Variants in ESRRB observed in about 807,000 individuals in gnomAD.
ESRRB encodes the protein estrogen related receptor beta.
Under a neutral mutation model 46.0 loss-of-function variants are expected in ESRRB, and 16 were observed. The observed-to-expected ratio is 0.35, with a 90% CI of 0.24 to 0.53. The LOEUF is 0.53. Ranked by LOEUF, ESRRB falls within the 20% of genes least tolerant of loss-of-function variation. The pLI is 0.93. For missense variants in ESRRB, 488 were observed against 607.4 expected, an observed-to-expected ratio of 0.80 and a Z score of 2.07; for synonymous variants, 246 against 259.6, an observed-to-expected ratio of 0.95 and a Z score of 0.50.
chr14:76,339,829 C>T (rs8013844), intron 1 of ESRRB, among the ~76,000 whole-genome samples: 18,727 of 152,178 alleles, frequency 0.12, 1,498 homozygotes, highest in Admixed American at 0.21. Context: ...CCCGTCACAT[C>T]GCACAAAAGG....
chr14:76,430,541 A>G (rs1595109668), intron 1 of ESRRB, among the ~76,000 whole-genome samples: 1 of 152,160 alleles, frequency 6.6e-6, no homozygotes, highest in African/African-American at 2.4e-5. Flanking sequence ...ACTTTCTCAG[A>G]AGAATCACAG....
chr14:76,432,883 C>T (rs1450020813), intron 1 of ESRRB, among the ~76,000 whole-genome samples: 1 of 151,958 alleles, frequency 6.6e-6, no homozygotes, highest in Non-Finnish European at 1.5e-5. Context: ...CCATGTTGAC[C>T]AGGCTGGTCT....
Position 76,501,020 on chromosome 14 carries a change from G to A in ESRRB, c.*2562G>A. The stretch of plus-strand genomic sequence containing the variant: ...TTCTTAGCTGGAATCCTGGCCAGAT[G>A]AGGACCCTCTCCGGGGAAGGGAGAG... On this transcript the variant is annotated 3_prime_UTR_variant, in exon 7 of 7. Coordinates refer to ENST00000644823, the MANE Select transcript of ESRRB (RefSeq NM_001379180.1). The A allele has an allele frequency of 2.0e-6, 1 of 495,672 alleles. No homozygotes were observed. Among genetic ancestry groups the A allele is most frequent in the South Asian group, 2.5e-5 (1 of 40,752 alleles). The allele number at this position is 495,672 out of a possible 1,614,324, so 30.7% of individuals were successfully genotyped here. A position where few individuals can be genotyped will look rare whatever the true frequency, so the allele number is the denominator to read the frequency against.
chr14:76,359,484 A>C (rs1024250887), intron 1 of ESRRB, among the ~76,000 whole-genome samples: 3 of 152,226 alleles, frequency 2.0e-5, no homozygotes, highest in African/African-American at 7.2e-5. Flanking sequence ...CATTCGCAGA[A>C]GCACCCTATT....
chr14:76,317,721 G>T (rs1220683645), intron 1 of ESRRB, among the ~76,000 whole-genome samples: 1 of 152,230 alleles, frequency 6.6e-6, no homozygotes, highest in Non-Finnish European at 1.5e-5. Flanking sequence ...GTCCAGCCCA[G>T]TTCCAACCTC....
chr14:76,486,664 G>A (rs1282744952), intron 5 of ESRRB, among the ~76,000 whole-genome samples: 1 of 152,124 alleles, frequency 6.6e-6, no homozygotes, highest in South Asian at 2.1e-4. Flanking sequence ...AGTTGGTGCA[G>A]ATAAAACAAT....
At chr14:76,338,706 G>A (rs1347465414) in intron 1 of ESRRB, among the ~76,000 whole-genome samples, 1 of 152,194 alleles carries the variant, frequency 6.6e-6, no homozygotes, top group Non-Finnish European at 1.5e-5. Context: ...ACCACTTTGG[G>A]AGGCCAAGCT....
chr14:76,360,577 A>C (rs984182274), intron 1 of ESRRB, among the ~76,000 whole-genome samples: 3 of 152,150 alleles, frequency 2.0e-5, no homozygotes, highest in African/African-American at 7.2e-5. Context: ...GACCCTGAGA[A>C]TACCCTGGAC....
intron 5 of ESRRB, 84 bp from the exon 6 acceptor site, chr14:76,491,363 A>C: frequency 1.4e-6 from 2 of 1,439,326 alleles, no homozygotes; most frequent in Non-Finnish European, 1.9e-6. Context: ...ACGCCCTGCA[A>C]CCTCTGCCCC....
At chr14:76,449,263 A>G (rs1238793778) in intron 2 of ESRRB, among the ~76,000 whole-genome samples, 2 of 152,092 alleles carry the variant, frequency 1.3e-5, no homozygotes, top group African/African-American at 4.8e-5. Flanking sequence ...AAATTTCTTT[A>G]CTCCCAGGCC....
intron 3 of ESRRB, among the ~76,000 whole-genome samples, chr14:76,468,963 C>A (rs1889242996): frequency 6.6e-6 from 1 of 152,150 alleles, no homozygotes; most frequent in South Asian, 2.1e-4. Context: ...CACAAACCTA[C>A]CAGTTTGTGC....
Position 76,491,483 on chromosome 14 carries a change from T to G in ESRRB, c.887T>G (p.Leu296Arg), listed in dbSNP as rs775840099. The G allele has an allele frequency of 6.2e-7, 1 of 1,606,426 alleles. No individual in the cohort carries two copies. The highest frequency in any genetic ancestry group is 1.1e-5 in the South Asian group (1 of 89,444). The change falls in exon 6 of 7, where the codon CTG (leucine) becomes CGG (arginine). Residue 296 changes from leucine (L) to arginine (R), a missense_variant. Leu to Arg is a moderately radical substitution (Grantham distance 102). Transcript: ENST00000644823. ...SSLSLGDQMS[L>R]LQSAWMEILI... Reference sequence around the variant, plus strand: ...CTCTCCCTGGGGGACCAGATGAGCCTGCTGCAGAGTGCCTGGATGGAAATC... The same window carrying G: ...CTCTCCCTGGGGGACCAGATGAGCCGGCTGCAGAGTGCCTGGATGGAAATC...
intron 6 of ESRRB, among the ~76,000 whole-genome samples, chr14:76,494,638 A>T (rs992430594): frequency 2.0e-5 from 3 of 152,180 alleles, no homozygotes; most frequent in African/African-American, 7.2e-5. Flanking sequence ...AGGTTTTGAC[A>T]AATGCATAAT....
chr14:76,486,502 G>A (rs1174881368), intron 5 of ESRRB, among the ~76,000 whole-genome samples: 5 of 151,976 alleles, frequency 3.3e-5, no homozygotes, highest in African/African-American at 1.2e-4. Flanking sequence ...CCTCCAGGTC[G>A]ACAGAAACGA....
intron 1 of ESRRB, among the ~76,000 whole-genome samples, chr14:76,311,536 C>G (rs1883734229): frequency 6.6e-6 from 1 of 152,172 alleles, no homozygotes; most frequent in Non-Finnish European, 1.5e-5. Context: ...TGAGAAGTCA[C>G]GATGAGAGCT....
Position 76,318,014 on chromosome 14 carries a change from TA to T in ESRRB, c.2+7100del, listed in dbSNP as rs1259548161. On this transcript the variant is annotated intron_variant, in intron 1 of 6. Transcript: ENST00000512784. ...TTCTGTCCTCACCTTCCCCTGTCTA[TA>T]AGCACCTCTAGGGGTTAGTGGAAAA... Among the ~76,000 whole-genome samples the T allele has an allele frequency of 2.0e-5, 3 of 152,194 alleles. No homozygotes were observed. In the South Asian group the frequency reaches 6.2e-4, roughly 31 times the overall value.
chr14:76,397,533 G>A (rs769250949), intron 1 of ESRRB, among the ~76,000 whole-genome samples: 2 of 152,154 alleles, frequency 1.3e-5, no homozygotes, highest in Non-Finnish European at 2.9e-5. Flanking sequence ...TTTTCTTTAC[G>A]GAGGCTGGGC....
chr14:76,474,925 CA>C (rs201793971), intron 3 of ESRRB, among the ~76,000 whole-genome samples: 134 of 139,970 alleles, frequency 9.6e-4, no homozygotes, highest in Non-Finnish European at 6.9e-4. Flanking sequence ...CCCCATCTAC[CA>C]AAAAAAAAAA....
intron 3 of ESRRB, among the ~76,000 whole-genome samples, chr14:76,469,944 C>CTTTTTTTTTTTTTTTTTTTT (rs1178018542): frequency 1.0e-3 from 76 of 73,058 alleles, no homozygotes; most frequent in Non-Finnish European, 1.3e-3. Context: ...TTTTTTTTTT[C>CTTTTTTTTTTTTTTTTTTTT]TTTTTTTTTT....
Sources: allele counts gnomAD v4.1 joint callset (sites outside exome capture counted in the v4.1 genomes callset), GRCh38; gene constraint gnomAD v4.1.1; transcripts MANE v1.5; gene names NCBI Gene and HGNC (gene_info 2026-07-23, HGNC 2026-07-21).